PITPNM2: variants seen among roughly 807,000 people sequenced by gnomAD.
PITPNM2 encodes membrane-associated phosphatidylinositol transfer protein 2.
A neutral mutation model predicts 132.2 loss-of-function variants in PITPNM2; 35 were observed. The observed-to-expected ratio is 0.26, with a 90% CI of 0.20 to 0.35. The LOEUF (loss-of-function observed/expected upper bound fraction) is 0.35. PITPNM2 is among the 10% of genes least tolerant of loss of function. The pLI is 1.00. For missense variants in PITPNM2, 1,332 were observed against 1,912.0 expected, an observed-to-expected ratio of 0.70 and a Z score of 5.66; for synonymous variants, 738 against 799.2, an observed-to-expected ratio of 0.92 and a Z score of 1.29.
Position 122,995,496 on chromosome 12 carries a change from G to T in PITPNM2, c.1947C>A (p.Pro649=). The change falls in exon 14 of 26, where the codon CCC becomes CCA. Residue 649 remains proline (P), a synonymous_variant. Transcript: ENST00000320201. Reference sequence around the variant, plus strand: ...TGGGGTCCTCAGTGCCGTTGCTGCGGGGGATGTCGACGTTGCTTCGGCTCA... The same window carrying T: ...TGGGGTCCTCAGTGCCGTTGCTGCGTGGGATGTCGACGTTGCTTCGGCTCA... ...RHLSRSNVDI[P]RSNGTEDPKR... The T allele has an allele frequency of 6.2e-7, 1 of 1,613,902 alleles. No individual in the cohort carries two copies.
chr12:123,121,376 CA>C (rs1180581458), intron 1 of PITPNM2, among the ~76,000 whole-genome samples: 1 of 152,156 alleles, frequency 6.6e-6, no homozygotes, highest in Non-Finnish European at 1.5e-5. Flanking sequence ...TCAAAACAAA[CA>C]AACAAAAATC....
At chr12:123,017,870 G>C (rs2039487178) in intron 3 of PITPNM2, among the ~76,000 whole-genome samples, 2 of 152,148 alleles carry the variant, frequency 1.3e-5, no homozygotes, top group African/African-American at 4.8e-5. Context: ...GGAACATGGG[G>C]GAAATGAAGA....
chr12:123,007,576 C>T (rs182411522), intron 6 of PITPNM2: 48 of 341,618 alleles, frequency 1.4e-4, no homozygotes, highest in Non-Finnish European at 2.5e-4. Flanking sequence ...CCTGGCTTTG[C>T]TCAGCCTTCC....
rs1462274142 is a variant in PITPNM2, at chr12:123,022,217, C to T, written c.79-8175G>A. On this transcript the variant is annotated intron_variant, in intron 3 of 25. Coordinates refer to ENST00000320201, the MANE Select transcript of PITPNM2 (RefSeq NM_020845.3). The surrounding 1 kb of genome is among the most constrained non-coding windows in gnomAD (Gnocchi z 4.9). ...GCTCAGCCTTTTTCTGGTCCTGGATCAGCCATTGATGTCAGCACTTGGGCT... is the reference window on the plus strand; with the variant it reads ...GCTCAGCCTTTTTCTGGTCCTGGATTAGCCATTGATGTCAGCACTTGGGCT... Among the ~76,000 whole-genome samples the T allele has an allele frequency of 6.6e-6, 1 of 152,194 alleles. No homozygotes were observed. The highest frequency in any genetic ancestry group is 1.5e-5 in the Non-Finnish European group (1 of 68,042).
chr12:123,072,103 C>T (rs2041636406), intron 2 of PITPNM2, among the ~76,000 whole-genome samples: 1 of 152,218 alleles, frequency 6.6e-6, no homozygotes, highest in Non-Finnish European at 1.5e-5. Context: ...GTGCCCACGC[C>T]TAGAAAGCTG....
At chr12:123,103,260 A>G (rs2042609661) in intron 2 of PITPNM2, among the ~76,000 whole-genome samples, 1 of 152,120 alleles carries the variant, frequency 6.6e-6, no homozygotes, top group South Asian at 2.1e-4. Context: ...TATGACCCTG[A>G]TGATACAGGC....
intron 2 of PITPNM2, among the ~76,000 whole-genome samples, chr12:123,065,081 C>T (rs1212364652): frequency 1.3e-5 from 2 of 152,250 alleles, no homozygotes; most frequent in African/African-American, 4.8e-5. Flanking sequence ...TTGCCACCCA[C>T]AGCCGCTGGA....
chr12:123,090,462 T>C (rs2042227033), intron 2 of PITPNM2: 1 of 152,146 alleles, frequency 6.6e-6, no homozygotes, highest in African/African-American at 2.4e-5. Context: ...CAGGTTCAAG[T>C]GATTCTCCTG....
rs2042846381 is a variant in PITPNM2 at position 123,111,969 on chromosome 12, T to C, written c.-199-1481A>G. ...TTTGCCATGGTAACGCACCCATCAA[T>C]GGCGAGCCAGATTTGGTAGACCAGC... is the stretch of plus-strand genomic sequence containing the variant. On this transcript the variant is annotated intron_variant, in intron 1 of 25. Coordinates refer to ENST00000320201, the MANE Select transcript of PITPNM2 (RefSeq NM_020845.3). This position sits in a 1 kb window ranked among gnomAD's most constrained non-coding sequence, Gnocchi z 4.1. Among the ~76,000 whole-genome samples, 1 of 151,988 alleles carries C rather than the reference T, an allele frequency of 6.6e-6. No homozygotes were observed. The highest frequency in any genetic ancestry group is 6.6e-5 in the Admixed American group (1 of 15,248).
chr12:123,003,103 CTAGA>C (rs760450897), intron 8 of PITPNM2, among the ~76,000 whole-genome samples: 3 of 152,156 alleles, frequency 2.0e-5, no homozygotes, highest in Non-Finnish European at 4.4e-5. Flanking sequence ...TTCCTCCTAT[CTAGA>C]TATAATTTCA....
chr12:122,985,045 C>T lies in PITPNM2; in HGVS notation c.*982G>A, dbSNP rs2037878849. The T allele has an allele frequency of 1.3e-5, 2 of 152,458 alleles. No homozygotes were observed. The highest frequency in any genetic ancestry group is 4.8e-5 in the African/African-American group (2 of 41,434). 9.4% of individuals were successfully genotyped at this position (152,458 alleles called of 1,614,324 possible). Reference sequence around the variant, plus strand: ...TAGAAATTCAGTGGGATTGCCGGGGCCAGGTGAGGCAAGGAGCCCATGCCT... The same window carrying T: ...TAGAAATTCAGTGGGATTGCCGGGGTCAGGTGAGGCAAGGAGCCCATGCCT... On this transcript the variant is annotated 3_prime_UTR_variant, in exon 26 of 26. Transcript: ENST00000320201.
chr12:123,001,493 A>C (rs898484224), intron 8 of PITPNM2, among the ~76,000 whole-genome samples: 9 of 152,198 alleles, frequency 5.9e-5, no homozygotes, highest in Non-Finnish European at 1.3e-4. Context: ...GCCCCTGGCC[A>C]CCACCAATCA....
rs1010203074 is a variant in PITPNM2 at position 123,000,367 on chromosome 12, G to A, written c.1224+411C>T. 1.0e-5 allele frequency: 7 copies of A among 700,044 alleles called. No homozygotes were observed. Among genetic ancestry groups the A allele is most frequent in the Non-Finnish European group, 1.6e-5 (6 of 384,112 alleles). 43.4% of individuals were successfully genotyped at this position (700,044 alleles called of 1,614,324 possible). A position where few individuals can be genotyped will look rare whatever the true frequency, so the allele number is the denominator to read the frequency against. ...CTGCCTCCCGCGGGGCCATCTTGTCGGCCACGGCCACATCACTTCTGCCTA... is the reference window on the plus strand; with the variant it reads ...CTGCCTCCCGCGGGGCCATCTTGTCAGCCACGGCCACATCACTTCTGCCTA... On this transcript the variant is annotated intron_variant, in intron 10 of 25. Transcript: ENST00000320201. The surrounding 1 kb of genome is among the most constrained non-coding windows in gnomAD (Gnocchi z 5.4).
intron 2 of PITPNM2, among the ~76,000 whole-genome samples, chr12:123,037,412 G>A (rs1474558237): frequency 6.6e-6 from 1 of 152,196 alleles, no homozygotes; most frequent in Non-Finnish European, 1.5e-5. Flanking sequence ...CGCCCAACTA[G>A]GAAGGCACAG....
chr12:123,018,051 C>A (rs1282205271), intron 3 of PITPNM2, among the ~76,000 whole-genome samples: 1 of 140,894 alleles, frequency 7.1e-6, no homozygotes, highest in Non-Finnish European at 1.5e-5. Context: ...TCCCTCCCTC[C>A]CTCTTTTCTC....
chr12:122,987,378 CTG>C lies in PITPNM2; in HGVS notation c.3314_3315del (p.Thr1105ArgfsTer14). 6.2e-7 allele frequency: 1 copy of C among 1,613,748 alleles called. No homozygotes were observed. The highest frequency in any genetic ancestry group is 8.5e-7 in the Non-Finnish European group (1 of 1,180,034). ...DSYITVLPKG[T>X]EFVVFSIDGS... ...CCGTCGATGCTGAAGACCACGAACT[CTG>C]TGCCCTTGGGCAGCACGGTGATGTA... On this transcript the variant is annotated frameshift_variant, in exon 23 of 26. Transcript: ENST00000320201. LOFTEE classifies it high-confidence loss of function.
At chr12:123,085,771 A>G (rs1163886314) in intron 2 of PITPNM2, among the ~76,000 whole-genome samples, 2 of 152,240 alleles carry the variant, frequency 1.3e-5, no homozygotes, top group Non-Finnish European at 2.9e-5. Flanking sequence ...CACAGGGACA[A>G]TGGTGGGACC....
At chr12:123,044,339 CA>C (rs1381299656) in intron 2 of PITPNM2, among the ~76,000 whole-genome samples, 1 of 152,182 alleles carries the variant, frequency 6.6e-6, no homozygotes, top group Non-Finnish European at 1.5e-5. Context: ...TAGAAATGGC[CA>C]GTCCTTTAGG....
chr12:123,070,804 C>A (rs1331402199), intron 2 of PITPNM2, among the ~76,000 whole-genome samples: 1 of 152,232 alleles, frequency 6.6e-6, no homozygotes, highest in African/African-American at 2.4e-5. Context: ...GTTGTGGGGG[C>A]AGCCCTAAGG....
Sources: gnomAD v4.1 joint callset for allele counts (sites outside exome capture counted in the v4.1 genomes callset) on GRCh38, gnomAD v4.1.1 for gene constraint, Gnocchi (gnomAD v3.1) non-coding constraint, MANE v1.5 for transcripts, NCBI Gene and HGNC (gene_info 2026-07-23, HGNC 2026-07-21) for gene names.